KHDRBS2: variants seen among roughly 807,000 people sequenced by gnomAD.
The protein encoded by KHDRBS2 is KH RNA binding domain containing, signal transduction associated 2.
KHDRBS2 carries 26 observed loss-of-function variants against 44.3 expected under a neutral mutation model. The ratio of observed to expected loss-of-function variants is 0.59; its 90% CI spans 0.43 to 0.81. KHDRBS2 has a LOEUF of 0.81. Among genes scored for constraint, KHDRBS2 ranks in the 40% least tolerant of loss-of-function variants. The probability of loss-of-function intolerance (pLI) is 0.00; values close to 1 mark genes in which losing one functional copy is unlikely to be tolerated. For synonymous variants in KHDRBS2, 194 were observed against 151.1 expected, an observed-to-expected ratio of 1.28 and a Z score of -2.08; for missense variants, 476 against 433.1, an observed-to-expected ratio of 1.10 and a Z score of -0.88.
chr6:61,571,598 C>T, the KHDRBS2 span, among the ~76,000 whole-genome samples: 1 of 152,060 alleles, frequency 6.6e-6, no homozygotes, highest in East Asian at 1.9e-4. Flanking sequence ...GACCCTACAA[C>T]TGCAAAATAC....
chr6:61,761,376 C>T (rs781487355), intron 6 of KHDRBS2, among the ~76,000 whole-genome samples: 1 of 152,108 alleles, frequency 6.6e-6, no homozygotes, highest in Admixed American at 6.6e-5. Context: ...GATTTTGTAC[C>T]AGCAACACAC....
the KHDRBS2 span, among the ~76,000 whole-genome samples, chr6:61,654,751 G>A: frequency 6.6e-6 from 1 of 151,368 alleles, no homozygotes; most frequent in African/African-American, 2.4e-5. Flanking sequence ...GAGGGACACA[G>A]GACAGGACAA....
intron 6 of KHDRBS2, among the ~76,000 whole-genome samples, chr6:61,745,180 T>C (rs1308393218): frequency 1.3e-5 from 2 of 152,154 alleles, no homozygotes; most frequent in Admixed American, 1.3e-4. Context: ...AAAAGAAAAT[T>C]TGGCTATTTA....
At position 61,982,498 on chromosome 6, in the gene KHDRBS2, C is replaced by T. The variant is rs566737311; in HGVS notation, c.337-4286G>A. 2.8e-3 allele frequency among the ~76,000 whole-genome samples: 420 copies of T among 151,718 alleles called. 1 individual carries two copies. The highest frequency in any genetic ancestry group is 4.9e-3 in the Non-Finnish European group (334 of 67,888). On this transcript the variant is annotated intron_variant, in intron 3 of 8. Transcript: ENST00000281156. ...CATCCTGGCTAACACAGTGAAACCC[C>T]GTCTCTACTAAAAATACAAAAAATT...
intron 2 of KHDRBS2, among the ~76,000 whole-genome samples, chr6:62,162,921 C>T (rs185909645): frequency 1.1e-4 from 17 of 151,972 alleles, no homozygotes; most frequent in East Asian, 1.9e-4. Flanking sequence ...AGAGTAGAAA[C>T]GGGGTAAGAA....
the KHDRBS2 span, among the ~76,000 whole-genome samples, chr6:61,554,827 A>T: frequency 6.6e-6 from 1 of 152,198 alleles, no homozygotes; most frequent in Admixed American, 6.5e-5. Context: ...AGAATGCTGG[A>T]TGTAGGCTCC....
chr6:61,580,472 T>A, the KHDRBS2 span, among the ~76,000 whole-genome samples: 3 of 152,172 alleles, frequency 2.0e-5, no homozygotes. Context: ...CCTTCCATGC[T>A]GTGGAAGTTT....
At chr6:61,903,518 G>T (rs1401721789) in intron 4 of KHDRBS2, among the ~76,000 whole-genome samples, 1 of 152,132 alleles carries the variant, frequency 6.6e-6, no homozygotes, top group East Asian at 1.9e-4. Flanking sequence ...GAAGAATGAG[G>T]AATAGGAGGA....
chr6:61,971,986 T>G (rs1216900277), intron 4 of KHDRBS2, among the ~76,000 whole-genome samples: 1 of 152,176 alleles, frequency 6.6e-6, no homozygotes, highest in Non-Finnish European at 1.5e-5. Context: ...CAGAAATATT[T>G]GTTGTGTTAA....
chr6:61,869,317 A>G (rs1235409977), intron 6 of KHDRBS2, among the ~76,000 whole-genome samples: 1 of 152,224 alleles, frequency 6.6e-6, no homozygotes, highest in Non-Finnish European at 1.5e-5. Flanking sequence ...TAGCAATGTT[A>G]GAAGCAAGTG....
chr6:62,098,458 T>C (rs1164398231), intron 2 of KHDRBS2, among the ~76,000 whole-genome samples: 3 of 152,126 alleles, frequency 2.0e-5, no homozygotes, highest in South Asian at 2.1e-4. Context: ...GCACTTTGAC[T>C]ATATCATCAC....
chr6:62,199,149 CTG>C (rs1347789316), intron 1 of KHDRBS2, among the ~76,000 whole-genome samples: 1 of 152,148 alleles, frequency 6.6e-6, no homozygotes, highest in Non-Finnish European at 1.5e-5. Context: ...TGGGCAAAAA[CTG>C]GAAGCATTCC....
chr6:61,758,642 G>A (rs541751158), intron 6 of KHDRBS2, among the ~76,000 whole-genome samples: 1 of 151,934 alleles, frequency 6.6e-6, no homozygotes, highest in Non-Finnish European at 1.5e-5. Flanking sequence ...TACCAAATAT[G>A]GCCCACAAGA....
rs535391644 is a variant in KHDRBS2 at position 62,061,123 on chromosome 6, A to G, written c.220-13129T>C. Among the ~76,000 whole-genome samples the G allele has an allele frequency of 8.6e-3, 1,310 of 151,930 alleles. 16 individuals are homozygous for G. The highest frequency in any genetic ancestry group is 0.029 in the African/African-American group (1,220 of 41,474). On this transcript the variant is annotated intron_variant, in intron 2 of 8. Transcript: ENST00000281156. The stretch of plus-strand genomic sequence containing the variant: ...GCACACTGATGGGTCTTGACTCTTT[A>G]TCCAATTTGCCAGTCTGTGTCTTTT...
intron 2 of KHDRBS2, among the ~76,000 whole-genome samples, chr6:62,171,128 G>A (rs1160715858): frequency 2.6e-5 from 4 of 152,088 alleles, no homozygotes; most frequent in African/African-American, 9.7e-5. Flanking sequence ...AGGCTGAACT[G>A]GGTGAAATGG....
At chr6:61,909,233 AT>A (rs1426413573) in intron 4 of KHDRBS2, among the ~76,000 whole-genome samples, 1 of 151,304 alleles carries the variant, frequency 6.6e-6, no homozygotes, top group Non-Finnish European at 1.5e-5. Context: ...TGCCCAGCTA[AT>A]TTTTTTGTAT....
At chr6:61,968,825 G>A (rs1412909773) in intron 4 of KHDRBS2, among the ~76,000 whole-genome samples, 2 of 151,970 alleles carry the variant, frequency 1.3e-5, no homozygotes, top group African/African-American at 2.4e-5. Context: ...AAGTAACCAT[G>A]CTGGCCTTTA....
At chr6:61,709,984 G>A (rs886929541) in intron 7 of KHDRBS2, among the ~76,000 whole-genome samples, 1 of 151,632 alleles carries the variant, frequency 6.6e-6, no homozygotes, top group African/African-American at 2.4e-5. Context: ...CTACAGCTGT[G>A]TGTTAATAGT....
Position 62,197,875 on chromosome 6 carries a change from A to G in KHDRBS2, c.92-20563T>C, listed in dbSNP as rs143773312. On this transcript the variant is annotated intron_variant, in intron 1 of 8. Coordinates refer to ENST00000281156, the MANE Select transcript of KHDRBS2 (RefSeq NM_152688.4). ...CAGCAAACGTAAAAGAACAGAAATT[A>G]TAACAAACTGTCTCTCAGACCACAG... Among the ~76,000 whole-genome samples the G allele has an allele frequency of 2.5e-3, 379 of 152,324 alleles. 3 individuals carry two copies. The highest frequency in any genetic ancestry group is 8.3e-3 in the African/African-American group (347 of 41,574).
Sources: allele counts gnomAD v4.1 joint callset (sites outside exome capture counted in the v4.1 genomes callset), GRCh38; gene constraint gnomAD v4.1.1; transcripts MANE v1.5; gene names NCBI Gene and HGNC (gene_info 2026-07-23, HGNC 2026-07-21).